The following IL1RAPL1 variants were observed in gnomAD, a reference collection of about 807,000 sequenced individuals.
IL1RAPL1 encodes the protein interleukin 1 receptor accessory protein like 1, also known as interleukin-1 receptor accessory protein-like 1.
IL1RAPL1 carries 3 observed loss-of-function variants against 48.4 expected under a neutral mutation model. That is an observed-to-expected ratio of 0.06 (90% CI 0.03 to 0.16). The LOEUF (loss-of-function observed/expected upper bound fraction) is 0.16. Among genes scored for constraint, IL1RAPL1 ranks in the 10% least tolerant of loss-of-function variants. The pLI is 1.00. For missense variants in IL1RAPL1, 349 were observed against 530.6 expected (o/e 0.66, Z 3.36); for synonymous variants, 185 against 187.7 (o/e 0.99, Z 0.12).
intron 6 of IL1RAPL1, among the ~76,000 whole-genome samples, chrX:29,692,224 G>A (rs934648557): frequency 7.2e-5 from 8 of 111,778 alleles, no homozygotes; most frequent in African/African-American, 2.6e-4. Flanking sequence ...TACTAAGAAC[G>A]CATTTTTCTA....
At chrX:29,645,195 G>C (rs1316885929) in intron 5 of IL1RAPL1, among the ~76,000 whole-genome samples, 7 of 111,494 alleles carry the variant, frequency 6.3e-5, no homozygotes, top group African/African-American at 2.3e-4. Flanking sequence ...CAGTGGGGTG[G>C]AGGGTGGAGT....
At chrX:28,760,524 A>C (rs984910630) in intron 1 of IL1RAPL1, among the ~76,000 whole-genome samples, 1 of 111,968 alleles carries the variant, frequency 8.9e-6, no homozygotes, top group African/African-American at 3.3e-5. Flanking sequence ...CTAACACTTT[A>C]TTAGCCCATA....
intron 6 of IL1RAPL1, among the ~76,000 whole-genome samples, chrX:29,731,200 A>G (rs1373190190): frequency 8.9e-6 from 1 of 112,053 alleles, no homozygotes; most frequent in Non-Finnish European, 1.9e-5. Flanking sequence ...GCAAAGGGAT[A>G]AAGTGGGTTC....
intron 2 of IL1RAPL1, among the ~76,000 whole-genome samples, chrX:29,072,836 T>G (rs73210023): frequency 0.042 from 4,729 of 111,799 alleles, 102 homozygotes; most frequent in Middle Eastern, 0.06. Context: ...ATTTCAAGGT[T>G]GCTAGACCTT....
chrX:29,044,685 C>T (rs953350891), intron 2 of IL1RAPL1, among the ~76,000 whole-genome samples: 2 of 110,485 alleles, frequency 1.8e-5, no homozygotes, highest in Non-Finnish European at 3.8e-5. Flanking sequence ...ATCTTCATAA[C>T]GAATGCTAGG....
At chrX:29,572,263 G>A (rs991292664) in intron 5 of IL1RAPL1, among the ~76,000 whole-genome samples, 4 of 111,884 alleles carry the variant, frequency 3.6e-5, no homozygotes, top group South Asian at 3.7e-4. Flanking sequence ...CAACTAAAGC[G>A]TATTGCTTGT....
intron 5 of IL1RAPL1, among the ~76,000 whole-genome samples, chrX:29,657,604 GC>G (rs1316682535): frequency 8.9e-6 from 1 of 111,931 alleles, no homozygotes; most frequent in Non-Finnish European, 1.9e-5. Context: ...GTGACATTGT[GC>G]CTTTTTTGTG....
At chrX:28,849,479 A>G (rs1921602280) in intron 2 of IL1RAPL1, among the ~76,000 whole-genome samples, 2 of 112,209 alleles carry the variant, frequency 1.8e-5, no homozygotes, top group Non-Finnish European at 3.8e-5. Flanking sequence ...TAAAAGTGCC[A>G]TGTACCCACT....
intron 2 of IL1RAPL1, among the ~76,000 whole-genome samples, chrX:28,884,641 C>T (rs1252275982): frequency 2.7e-5 from 3 of 111,620 alleles, no homozygotes; most frequent in Non-Finnish European, 3.8e-5. Context: ...ATTATTTTGG[C>T]AAATCTCCTT....
chrX:28,778,469 C>A (rs983979237), intron 1 of IL1RAPL1, among the ~76,000 whole-genome samples: 12 of 111,927 alleles, frequency 1.1e-4, no homozygotes, highest in Admixed American at 9.5e-4. Context: ...TTGCCTCATC[C>A]AATCTGCTGA....
intron 2 of IL1RAPL1, among the ~76,000 whole-genome samples, chrX:28,975,451 G>T (rs1235138506): frequency 8.9e-6 from 1 of 111,975 alleles, no homozygotes; most frequent in Non-Finnish European, 1.9e-5. Flanking sequence ...ACAAAACCTG[G>T]TACAAATGTG....
chrX:28,737,046 C>CTTTT (rs1935834412), intron 1 of IL1RAPL1, among the ~76,000 whole-genome samples: 4 of 94,324 alleles, frequency 4.2e-5, no homozygotes, highest in Non-Finnish European at 8.3e-5. Context: ...CTGAATATTT[C>CTTTT]CTTTTCTTTT....
chrX:29,189,533 C>A (rs1930314013), intron 2 of IL1RAPL1, among the ~76,000 whole-genome samples: 1 of 110,997 alleles, frequency 9.0e-6, no homozygotes, highest in African/African-American at 3.3e-5. Context: ...ATTATATATT[C>A]ATATAAAGTA....
At chrX:28,781,337 G>C (rs1936421847) in intron 1 of IL1RAPL1, among the ~76,000 whole-genome samples, 1 of 104,781 alleles carries the variant, frequency 9.5e-6, no homozygotes, top group Admixed American at 1.0e-4. Context: ...TGTGGTTTTA[G>C]AACTGAGTCC....
At chrX:29,805,937 T>TTA (rs990817162) in intron 6 of IL1RAPL1, among the ~76,000 whole-genome samples, 2 of 106,408 alleles carry the variant, frequency 1.9e-5, no homozygotes, top group Non-Finnish European at 3.9e-5. Flanking sequence ...AGATGAAAAA[T>TTA]TATATATATA....
chrX:28,820,005 T>C (rs1468298343), intron 2 of IL1RAPL1, among the ~76,000 whole-genome samples: 4 of 84,184 alleles, frequency 4.8e-5, no homozygotes, highest in African/African-American at 1.9e-4. Context: ...TATATATATA[T>C]ATATATATAC....
chrX:29,038,675 A>G (rs1402195650), intron 2 of IL1RAPL1, among the ~76,000 whole-genome samples: 1 of 112,119 alleles, frequency 8.9e-6, no homozygotes, highest in African/African-American at 3.2e-5. Flanking sequence ...GAGTTAATTT[A>G]GCTAATGTCA....
intron 2 of IL1RAPL1, among the ~76,000 whole-genome samples, chrX:29,279,072 A>T (rs758853627): frequency 8.9e-6 from 1 of 112,390 alleles, no homozygotes; most frequent in African/African-American, 3.2e-5. Flanking sequence ...TATCTCCTTC[A>T]TCACTTCTTT....
At chrX:29,507,463 G>C (rs1935348596) in intron 5 of IL1RAPL1, among the ~76,000 whole-genome samples, 1 of 46,825 alleles carries the variant, frequency 2.1e-5, no homozygotes, top group Non-Finnish European at 4.0e-5. Flanking sequence ...GGAATGCAGT[G>C]GCTCAATCAT....
Sources: gnomAD v4.1 joint callset for allele counts (sites outside exome capture counted in the v4.1 genomes callset) on GRCh38, gnomAD v4.1.1 for gene constraint, MANE v1.5 for transcripts, NCBI Gene and HGNC (gene_info 2026-07-23, HGNC 2026-07-21) for gene names.